The following IPMK variants were observed in gnomAD, a reference collection of about 807,000 sequenced individuals.
IPMK encodes the protein inositol polyphosphate multikinase, also known as inositol 1,3,4,6-tetrakisphosphate 5-kinase.
IPMK carries 17 observed loss-of-function variants against 45.8 expected under a neutral mutation model. The observed-to-expected ratio is 0.37, with a 90% confidence interval of 0.25 to 0.56. The LOEUF (loss-of-function observed/expected upper bound fraction) is 0.56. IPMK is among the 20% of genes least tolerant of loss of function. The pLI is 0.79. For synonymous variants in IPMK, 180 were observed against 184.3 expected, an observed-to-expected ratio of 0.98 and a Z score of 0.19; for missense variants, 399 against 498.0, an observed-to-expected ratio of 0.80 and a Z score of 1.89.
chr10:58,250,018 T>G (rs1838859239), intron 1 of IPMK, among the ~76,000 whole-genome samples: 1 of 152,208 alleles, frequency 6.6e-6, no homozygotes, highest in South Asian at 2.1e-4. Context: ...TTATTTCCAG[T>G]TCACTATTAC....
chr10:58,253,743 A>G (rs988767997), intron 1 of IPMK, among the ~76,000 whole-genome samples: 9 of 136,918 alleles, frequency 6.6e-5, no homozygotes, highest in Admixed American at 6.2e-4. Context: ...CCAAAAAAAA[A>G]AAAAAAAGAA....
chr10:58,238,370 T>C (rs1838645985), intron 1 of IPMK, among the ~76,000 whole-genome samples: 2 of 152,188 alleles, frequency 1.3e-5, no homozygotes, highest in African/African-American at 4.8e-5. Context: ...AGGGCTGAAA[T>C]CAGGCAACAA....
chr10:58,210,661 C>T (rs1418524251), intron 4 of IPMK, among the ~76,000 whole-genome samples: 2 of 152,182 alleles, frequency 1.3e-5, no homozygotes, highest in African/African-American at 2.4e-5. Flanking sequence ...TCTACTTTTA[C>T]ATTTTACGTG....
In IPMK at chr10:58,196,501, T is replaced by C. The variant is rs761503472; in HGVS notation, c.826A>G (p.Lys276Glu). Residue 276 changes from lysine to glutamate, a missense_variant, in exon 6 of 6, where the codon AAG (lysine) becomes GAG (glutamate). By Grantham distance (56) the Lys-to-Glu change is moderately conservative (BLOSUM62 1). Around this residue, in one of 2 missense-constraint regions of IPMK, gnomAD observed 288 missense variants for 398.0 expected, o/e 0.72. Transcript: ENST00000373935. Reference sequence around the variant, plus strand: ...GACAGTTGTCCTTTGGACAAAAACTTTTCTGCCAAAGTTCTGTCATTCAAT... The same window carrying C: ...GACAGTTGTCCTTTGGACAAAAACTCTTCTGCCAAAGTTCTGTCATTCAAT... ...TKLNDRTLAEKFLSKGQLSDT... is the reference protein window; with the variant it reads ...TKLNDRTLAEEFLSKGQLSDT... 36 of 1,613,946 alleles carry C rather than the reference T, an allele frequency of 2.2e-5. No homozygotes were observed. Among genetic ancestry groups the C allele is most frequent in the Non-Finnish European group, 2.9e-5 (34 of 1,179,998 alleles).
intron 4 of IPMK, among the ~76,000 whole-genome samples, chr10:58,202,562 G>A (rs1019566428): frequency 2.6e-5 from 4 of 152,168 alleles, no homozygotes; most frequent in Non-Finnish European, 5.9e-5. Context: ...CTACTTGAGA[G>A]GCTGAGGTGG....
intron 2 of IPMK, among the ~76,000 whole-genome samples, chr10:58,227,446 C>A (rs1234239104): frequency 1.3e-5 from 2 of 152,102 alleles, no homozygotes; most frequent in African/African-American, 4.8e-5. Flanking sequence ...AAATTCTGGC[C>A]AGAGGACATT....
At chr10:58,252,777 A>G (rs978385458) in intron 1 of IPMK, among the ~76,000 whole-genome samples, 7 of 151,766 alleles carry the variant, frequency 4.6e-5, no homozygotes, top group Non-Finnish European at 1.0e-4. Context: ...CCGCCTGGGT[A>G]ATTTTTGTAT....
In IPMK at chr10:58,195,966, A is replaced by C; in HGVS notation, c.*110T>G. 2 of 1,020,630 alleles carry C rather than the reference A, an allele frequency of 2.0e-6. No homozygotes were observed. Among genetic ancestry groups the C allele is most frequent in the South Asian group, 3.4e-5 (2 of 59,632 alleles). The allele number at this position is 1,020,630 out of a possible 1,614,324, so 63.2% of individuals were successfully genotyped here. On this transcript the variant is annotated 3_prime_UTR_variant, in exon 6 of 6. Coordinates refer to ENST00000373935, the MANE Select transcript of IPMK (RefSeq NM_152230.5). ...TTCTTCCAAAAGTATAAAGACAAAT[A>C]AAATGTCGACTCATAATACAAATTT...
At chr10:58,206,086 G>T (rs781280470) in intron 4 of IPMK, among the ~76,000 whole-genome samples, 1 of 152,106 alleles carries the variant, frequency 6.6e-6, no homozygotes, top group Non-Finnish European at 1.5e-5. Context: ...ACAAAATGTG[G>T]TATATCCATA....
At chr10:58,199,907 T>A (rs1191738677) in intron 4 of IPMK, among the ~76,000 whole-genome samples, 1 of 152,030 alleles carries the variant, frequency 6.6e-6, no homozygotes, top group African/African-American at 2.4e-5. Flanking sequence ...AAATAACTCA[T>A]TAGAAAATGT....
chr10:58,239,562 A>G (rs2253192), intron 1 of IPMK, among the ~76,000 whole-genome samples: 51,480 of 152,032 alleles, frequency 0.34, 10,970 homozygotes, highest in African/African-American at 0.61. Flanking sequence ...AGACAACAGC[A>G]TGGGATAGCA....
At chr10:58,235,932 CTT>C (rs559370490) in intron 2 of IPMK, among the ~76,000 whole-genome samples, 10 of 142,868 alleles carry the variant, frequency 7.0e-5, no homozygotes, top group Admixed American at 7.1e-5. Flanking sequence ...TCTTAAAGAA[CTT>C]TTTTTTTTTT....
At chr10:58,207,722 G>A (rs141810495) in intron 4 of IPMK, among the ~76,000 whole-genome samples, 3 of 152,128 alleles carry the variant, frequency 2.0e-5, no homozygotes, top group East Asian at 3.9e-4. Flanking sequence ...CCAGTGTTAG[G>A]TGCATATATA....
intron 1 of IPMK, among the ~76,000 whole-genome samples, chr10:58,250,401 T>A (rs1237694516): frequency 2.1e-5 from 3 of 146,326 alleles, no homozygotes; most frequent in East Asian, 2.0e-4. Context: ...TTTGGTTAAA[T>A]TTTTTCCTAG....
At chr10:58,210,163 G>A (rs1474684839) in intron 4 of IPMK, among the ~76,000 whole-genome samples, 1 of 152,128 alleles carries the variant, frequency 6.6e-6, no homozygotes, top group Non-Finnish European at 1.5e-5. Context: ...CCAGAGGAAC[G>A]TATTGCTGTC....
In IPMK at chr10:58,204,412, G is replaced by A. The variant is rs536608944; in HGVS notation, c.547-5091C>T. On this transcript the variant is annotated intron_variant, in intron 4 of 5. Coordinates refer to ENST00000373935, the MANE Select transcript of IPMK (RefSeq NM_152230.5). Reference sequence around the variant, plus strand: ...TCACCATATTAGTTGCTCATTTTGCGACTTCTTTGCAGAAACTGACAAGCT... The same window carrying A: ...TCACCATATTAGTTGCTCATTTTGCAACTTCTTTGCAGAAACTGACAAGCT... Among the ~76,000 whole-genome samples the A allele has an allele frequency of 9.2e-5, 14 of 152,170 alleles. No individual in the cohort carries two copies. The East Asian group carries it at 1.4e-3, about 15-fold the overall frequency.
intron 2 of IPMK, among the ~76,000 whole-genome samples, chr10:58,230,012 T>C (rs1838486729): frequency 6.6e-6 from 1 of 152,226 alleles, no homozygotes; most frequent in Admixed American, 6.5e-5. Context: ...TTCTCTCCCA[T>C]GCATGGCTCA....
intron 5 of IPMK, among the ~76,000 whole-genome samples, chr10:58,198,199 T>C (rs1290954158): frequency 6.6e-6 from 1 of 152,210 alleles, no homozygotes; most frequent in African/African-American, 2.4e-5. Context: ...TCAATAATAT[T>C]GATTAAGTCA....
chr10:58,254,188 T>C (rs1349097007), intron 1 of IPMK, among the ~76,000 whole-genome samples: 2 of 152,182 alleles, frequency 1.3e-5, no homozygotes, highest in Admixed American at 6.5e-5. Flanking sequence ...GCTTCCCTTA[T>C]TGATGTTTCG....
Sources: gnomAD v4.1 joint callset for allele counts (sites outside exome capture counted in the v4.1 genomes callset) on GRCh38, gnomAD v4.1.1 for gene constraint, gnomAD v4.1.1 regional missense constraint, MANE v1.5 for transcripts, NCBI Gene and HGNC (gene_info 2026-07-23, HGNC 2026-07-21) for gene names.